Variants in DNAH10 observed in about 807,000 individuals in gnomAD.
The protein encoded by DNAH10 is dynein axonemal heavy chain 10.
Under a neutral mutation model 506.6 loss-of-function variants are expected in DNAH10, and 348 were observed. The observed-to-expected ratio is 0.69, with a 90% confidence interval of 0.63 to 0.75. The LOEUF (loss-of-function observed/expected upper bound fraction) is 0.75, where lower values mean the gene tolerates loss of function less well. Ranked by LOEUF, DNAH10 falls within the 30% of genes least tolerant of loss-of-function variation. The pLI, the probability that DNAH10 is intolerant of heterozygous loss-of-function variation, is 0.00. For synonymous variants in DNAH10, 2,059 were observed against 2,198.6 expected, an observed-to-expected ratio of 0.94 and a Z score of 1.78; for missense variants, 5,179 against 5,787.1, an observed-to-expected ratio of 0.89 and a Z score of 3.41.
chr12:123,923,561 A>G lies in DNAH10; in HGVS notation c.11507-202A>G. 2 of 475,462 alleles carry G rather than the reference A, an allele frequency of 4.2e-6. 1 individual carries two copies. The highest frequency in any genetic ancestry group is 6.4e-5 in the South Asian group (2 of 31,262). 29.5% of individuals were successfully genotyped at this position (475,462 alleles called of 1,614,324 possible). ...CCGTTACATACAGGAGCATGTCACT[A>G]CAGACTGGGGCATGACCTAGGAACT... On this transcript the variant is annotated intron_variant, in intron 65 of 78. Coordinates refer to ENST00000673944, the MANE Select transcript of DNAH10 (RefSeq NM_001372106.1).
At chr12:123,923,356 A>C (rs74841570) in intron 65 of DNAH10, 6,168 of 155,524 alleles carry the variant, frequency 0.04, 167 homozygotes, top group Non-Finnish European at 0.054. Context: ...AATATTTACT[A>C]TCTGGCCCTT....
intron 46 of DNAH10, among the ~76,000 whole-genome samples, chr12:123,874,562 T>TCCATCTACCCATCCAC (rs1175877681): frequency 6.6e-6 from 1 of 150,822 alleles, no homozygotes; most frequent in East Asian, 2.0e-4. Context: ...CACCTGTCCA[T>TCCATCTACCCATCCAC]CCATCTACCC....
Position 123,902,025 on chromosome 12 carries a change from A to G in DNAH10, c.9641-914A>G, listed in dbSNP as rs889360006. On this transcript the variant is annotated intron_variant, in intron 56 of 78. Transcript: ENST00000673944. The surrounding 1 kb of genome is among the most constrained non-coding windows in gnomAD (Gnocchi z 4.5). The stretch of plus-strand genomic sequence containing the variant: ...AGTCTGACATCAAGGTGCCAGGACC[A>G]TGCTCCCTCTGAAAGCTCTAGGGGA... Among the ~76,000 whole-genome samples the G allele has an allele frequency of 6.6e-6, 1 of 152,168 alleles. No individual in the cohort carries two copies. Among genetic ancestry groups the G allele is most frequent in the African/African-American group, 2.4e-5 (1 of 41,434 alleles).
chr12:123,767,781 G>C, intron 2 of DNAH10, 92 bp downstream of exon 2: 1 of 1,067,136 alleles, frequency 9.4e-7, no homozygotes, highest in Non-Finnish European at 1.4e-6. Flanking sequence ...ACAATCAGTT[G>C]TACTTTCACT....
Position 123,850,918 on chromosome 12 carries a change from C to T in DNAH10, c.6133C>T (p.Arg2045Cys), listed in dbSNP as rs748691740. 6.0e-5 allele frequency: 97 copies of T among 1,613,398 alleles called. No homozygotes were observed. Among genetic ancestry groups the T allele is most frequent in the South Asian group, 8.8e-5 (8 of 90,978 alleles). The change falls in exon 35 of 79, where the codon CGC (arginine) becomes TGC (cysteine). Residue 2045 changes from arginine (R) to cysteine (C), a missense_variant. Physicochemically the swap from Arg to Cys is radical, Grantham distance 180 (BLOSUM62 -3). Transcript: ENST00000673944. The surrounding 1 kb of genome is among the most constrained non-coding windows in gnomAD (Gnocchi z 5.5). ...FEGQEISLDS[R>C]MGIFITMNPG... ...AGGGCAGGAGATTTCCCTGGACTCCCGCATGGGCATCTTCATCACCATGAA... is the reference window on the plus strand; with the variant it reads ...AGGGCAGGAGATTTCCCTGGACTCCTGCATGGGCATCTTCATCACCATGAA...
At chr12:123,887,114 G>A (rs762959086) in intron 51 of DNAH10, 28 bp from the exon 52 acceptor site, 17 of 1,572,830 alleles carry the variant, frequency 1.1e-5, no homozygotes, top group East Asian at 6.9e-5. Context: ...TGGTGGTGAC[G>A]CCCATGTGCT....
intron 28 of DNAH10, among the ~76,000 whole-genome samples, chr12:123,836,331 T>C (rs1482258750): frequency 6.6e-6 from 1 of 152,230 alleles, no homozygotes; most frequent in Non-Finnish European, 1.5e-5. Context: ...ATTAGTTTAG[T>C]TGATTACTCT....
chr12:123,790,556 T>C (rs1304435736), intron 11 of DNAH10, among the ~76,000 whole-genome samples: 1 of 151,724 alleles, frequency 6.6e-6, no homozygotes, highest in Admixed American at 6.6e-5. Flanking sequence ...ATGGGGGAAA[T>C]GGGGACGAGG....
In DNAH10 at chr12:123,874,265, GTCCATCCATCCA is replaced by G. The variant is rs34989387; in HGVS notation, c.7938+589_7938+600del. ...CTGTATGCAAAGCCAGAGTCCGTCCGTCCATCCATCCATCCATCCATCCATCCATCCATCCAT... is the reference window on the plus strand; with the variant it reads ...CTGTATGCAAAGCCAGAGTCCGTCCGTCCATCCATCCATCCATCCATCCAT... On this transcript the variant is annotated intron_variant, in intron 46 of 78. Transcript: ENST00000673944. Among the ~76,000 whole-genome samples, 153 of 145,606 alleles carry G rather than the reference GTCCATCCATCCA, an allele frequency of 1.1e-3. 1 individual carries two copies. Among genetic ancestry groups the G allele is most frequent in the Admixed American group, 7.5e-3 (110 of 14,660 alleles).
chr12:123,880,573 G>T (rs369735979), intron 50 of DNAH10, among the ~76,000 whole-genome samples: 3 of 151,706 alleles, frequency 2.0e-5, no homozygotes, highest in African/African-American at 7.3e-5. Flanking sequence ...TCGAACTCCT[G>T]GGCTCAAGTG....
chr12:123,902,656 G>C lies in DNAH10; in HGVS notation c.9641-283G>C, dbSNP rs1026915454. Among the ~76,000 whole-genome samples, 9 of 152,194 alleles carry C rather than the reference G, an allele frequency of 5.9e-5. No individual in the cohort carries two copies. Among genetic ancestry groups the C allele is most frequent in the Admixed American group, 5.9e-4 (9 of 15,276 alleles). On this transcript the variant is annotated intron_variant, in intron 56 of 78. Transcript: ENST00000673944. The surrounding 1 kb of genome is among the most constrained non-coding windows in gnomAD (Gnocchi z 4.5). The stretch of plus-strand genomic sequence containing the variant: ...GAACACCGGCGAGGCAGGGCTGGGG[G>C]CTATCAGGAGCCATGGGATTTGTCC...
rs770529116 is a variant in DNAH10, at chr12:123,801,347, G to A, written c.2529G>A (p.Ala843=). 2.8e-5 allele frequency: 46 copies of A among 1,614,148 alleles called. No individual in the cohort carries two copies. The Middle Eastern group carries it at 3.5e-3, about 122-fold the overall frequency. ...TGCTCATAGGAACGTTAAACGATGC[G>A]GAGTCTGTGCTTCTCAAAGATCATT... ...YHMLIGTLND[A]ESVLLKDHSQ... The change falls in exon 16 of 79, where the codon GCG becomes GCA. Residue 843 remains alanine, a synonymous_variant. Coordinates refer to ENST00000673944, the MANE Select transcript of DNAH10 (RefSeq NM_001372106.1).
At chr12:123,856,222 A>G (rs994280325) in intron 36 of DNAH10, among the ~76,000 whole-genome samples, 1 of 147,656 alleles carries the variant, frequency 6.8e-6, no homozygotes, top group African/African-American at 2.5e-5. Context: ...ATTTATATAA[A>G]ATTGTAATAT....
At chr12:123,840,517 G>A (rs951710552) in intron 29 of DNAH10, among the ~76,000 whole-genome samples, 2 of 139,568 alleles carry the variant, frequency 1.4e-5, no homozygotes, top group East Asian at 2.4e-4. Flanking sequence ...CAATCCACCC[G>A]CCTCAGCCTC....
At chr12:123,768,547 G>T (rs754332922) in intron 2 of DNAH10, among the ~76,000 whole-genome samples, 63 of 152,262 alleles carry the variant, frequency 4.1e-4, no homozygotes, top group Admixed American at 2.0e-3. Context: ...TCCAAATGAG[G>T]TCACAGCTTT....
At chr12:123,821,641 C>A (rs1260534267) in intron 24 of DNAH10, among the ~76,000 whole-genome samples, 2 of 152,078 alleles carry the variant, frequency 1.3e-5, no homozygotes, top group Non-Finnish European at 2.9e-5. Flanking sequence ...CCTGGAATTA[C>A]ATATTTTAAA....
intron 37 of DNAH10, among the ~76,000 whole-genome samples, chr12:123,858,724 T>C (rs1185545463): frequency 6.6e-6 from 1 of 152,218 alleles, no homozygotes; most frequent in Non-Finnish European, 1.5e-5. Flanking sequence ...GAATGTGGTC[T>C]GTCCATCCCA....
Position 123,934,623 on chromosome 12 carries a change from T to G in DNAH10, c.13480T>G (p.Cys4494Gly), listed in dbSNP as rs781692617. The change falls in exon 78 of 79, where the codon TGC (cysteine) becomes GGC (glycine). Residue 4494 changes from cysteine to glycine, a missense_variant and splice_region_variant. By Grantham distance (159) the Cys-to-Gly change is radical. Transcript: ENST00000673944. ...CAGTCTCTGCCTTGTGTCCCTAGGA[T>G]GCTTTGTCTCAGGACTGTACCTGGA... ...DEVNERAGQG[C>G]FVSGLYLEGA... 6.2e-7 allele frequency: 1 copy of G among 1,613,482 alleles called. No individual in the cohort carries two copies. The highest frequency in any genetic ancestry group is 1.7e-5 in the Admixed American group (1 of 59,918).
intron 43 of DNAH10, among the ~76,000 whole-genome samples, chr12:123,868,907 G>A (rs559004405): frequency 3.2e-3 from 482 of 152,324 alleles, no homozygotes; most frequent in Non-Finnish European, 4.8e-3. Flanking sequence ...TCTCCCTTTG[G>A]GGAGTGCTTT....
Sources: gnomAD v4.1 joint callset for allele counts (sites outside exome capture counted in the v4.1 genomes callset) on GRCh38, gnomAD v4.1.1 for gene constraint, Gnocchi (gnomAD v3.1) non-coding constraint, MANE v1.5 for transcripts, NCBI Gene and HGNC (gene_info 2026-07-23, HGNC 2026-07-21) for gene names.